Variants in DENND1A observed in about 807,000 individuals in gnomAD.
DENND1A encodes DENN domain-containing protein 1A.
DENND1A carries 51 observed loss-of-function variants against 113.7 expected under a neutral mutation model. That is an observed-to-expected ratio of 0.45 (90% CI 0.36 to 0.57). DENND1A has a LOEUF of 0.57. Ranked by LOEUF, DENND1A falls within the 20% of genes least tolerant of loss-of-function variation. The pLI is 0.00. For missense variants in DENND1A, 1,258 were observed against 1,395.9 expected (o/e 0.90, Z 1.57); for synonymous variants, 565 against 570.8 (o/e 0.99, Z 0.14).
chr9:123,399,788 A>G (rs909712378), intron 21 of DENND1A, among the ~76,000 whole-genome samples: 2 of 152,238 alleles, frequency 1.3e-5, no homozygotes, highest in Non-Finnish European at 2.9e-5. Flanking sequence ...GCCCCGTTCC[A>G]AGGACAGCAT....
At chr9:123,480,577 T>C (rs2050253565) in intron 13 of DENND1A, among the ~76,000 whole-genome samples, 1 of 152,220 alleles carries the variant, frequency 6.6e-6, no homozygotes, top group Non-Finnish European at 1.5e-5. Flanking sequence ...TCAGGTGCCA[T>C]AGTTCCAGGA....
intron 1 of DENND1A, among the ~76,000 whole-genome samples, chr9:123,898,245 CTT>C (rs1588138582): frequency 1.3e-5 from 2 of 152,114 alleles, no homozygotes; most frequent in East Asian, 1.9e-4. Context: ...CTTTAATACT[CTT>C]TTCAAATCTT....
chr9:123,538,740 ATGTGTGTGAGTGTGTG>A lies in DENND1A; in HGVS notation c.993+18814_993+18829del, dbSNP rs1158837723. Among the ~76,000 whole-genome samples the A allele has an allele frequency of 8.4e-5, 10 of 119,716 alleles. No homozygotes were observed. In the East Asian group the frequency reaches 2.2e-3, roughly 26 times the overall value. The allele number at this position is 119,716 out of a possible 152,430, so 78.5% of individuals were successfully genotyped here. A position where few individuals can be genotyped will look rare whatever the true frequency, so the allele number is the denominator to read the frequency against. On this transcript the variant is annotated intron_variant, in intron 13 of 23. Transcript: ENST00000394215. ...ATATGTTGAAATCCACCAGGCAATT[ATGTGTGTGAGTGTGTG>A]TGTGTGTGTGTGTGTGTGTGTGTGT... is the stretch of plus-strand genomic sequence containing the variant.
At chr9:123,408,236 T>C (rs186445080) in intron 20 of DENND1A, among the ~76,000 whole-genome samples, 1 of 152,292 alleles carries the variant, frequency 6.6e-6, no homozygotes, top group East Asian at 1.9e-4. Flanking sequence ...TTCGAGGCCC[T>C]TGTGGGTTCC....
chr9:123,548,153 A>G (rs772219944), intron 13 of DENND1A, among the ~76,000 whole-genome samples: 36 of 152,144 alleles, frequency 2.4e-4, no homozygotes, highest in South Asian at 1.9e-3. Context: ...AGAGCCACAG[A>G]GCTATAGTGA....
chr9:123,641,677 T>A (rs190740200), intron 9 of DENND1A, among the ~76,000 whole-genome samples: 1 of 152,152 alleles, frequency 6.6e-6, no homozygotes, highest in Non-Finnish European at 1.5e-5. Context: ...ACTTGATCAG[T>A]CTCTATTATG....
At chr9:123,715,770 T>C (rs1336056565) in intron 5 of DENND1A, among the ~76,000 whole-genome samples, 1 of 152,096 alleles carries the variant, frequency 6.6e-6, no homozygotes, top group Admixed American at 6.6e-5. Flanking sequence ...ACTGCAGCCT[T>C]GACTCCAGTG....
At chr9:123,855,512 G>A (rs1182172359) in intron 2 of DENND1A, among the ~76,000 whole-genome samples, 3 of 152,176 alleles carry the variant, frequency 2.0e-5, no homozygotes, top group Non-Finnish European at 4.4e-5. Context: ...AAGTGGCTCA[G>A]CTAGTGCAGA....
At chr9:123,568,502 T>C (rs893137402) in intron 12 of DENND1A, among the ~76,000 whole-genome samples, 9 of 152,240 alleles carry the variant, frequency 5.9e-5, no homozygotes, top group African/African-American at 1.9e-4. Context: ...AAAAGAATCA[T>C]GGGTTCACAA....
chr9:123,716,033 CTG>C (rs2141032684), intron 5 of DENND1A, among the ~76,000 whole-genome samples: 1 of 152,292 alleles, frequency 6.6e-6, no homozygotes, highest in East Asian at 1.9e-4. Flanking sequence ...TTGTGCTGCT[CTG>C]GAGCACTCCA....
At chr9:123,486,689 A>G (rs768349673) in intron 13 of DENND1A, among the ~76,000 whole-genome samples, 3 of 152,172 alleles carry the variant, frequency 2.0e-5, no homozygotes, top group Non-Finnish European at 2.9e-5. Context: ...GTGCTGGTGC[A>G]AGCACCTTGG....
chr9:123,466,618 C>A (rs1336544098), intron 13 of DENND1A, among the ~76,000 whole-genome samples: 1 of 152,184 alleles, frequency 6.6e-6, no homozygotes, highest in Non-Finnish European at 1.5e-5. Context: ...TTGCTATCTG[C>A]ACATTCTCTA....
intron 2 of DENND1A, among the ~76,000 whole-genome samples, chr9:123,793,989 G>A (rs1187751995): frequency 6.6e-6 from 1 of 152,176 alleles, no homozygotes; most frequent in Non-Finnish European, 1.5e-5. Flanking sequence ...CAACTACTGG[G>A]AAGGAATCAA....
At chr9:123,605,529 C>T (rs776472932) in intron 11 of DENND1A, among the ~76,000 whole-genome samples, 1 of 152,164 alleles carries the variant, frequency 6.6e-6, no homozygotes, top group East Asian at 1.9e-4. Context: ...AGGTCTATGC[C>T]AATACCCTTG....
intron 1 of DENND1A, among the ~76,000 whole-genome samples, chr9:123,884,817 A>T (rs1848781863): frequency 6.6e-6 from 1 of 152,302 alleles, no homozygotes; most frequent in Non-Finnish European, 1.5e-5. Flanking sequence ...CAGCAGAATC[A>T]GCATGGAACT....
At chr9:123,629,756 C>A (rs1478195019) in intron 10 of DENND1A, among the ~76,000 whole-genome samples, 4 of 152,310 alleles carry the variant, frequency 2.6e-5, no homozygotes, top group African/African-American at 9.6e-5. Flanking sequence ...TGCTCCCAAA[C>A]CACAGTGAGC....
At chr9:123,711,291 CT>C (rs2066569772) in intron 5 of DENND1A, among the ~76,000 whole-genome samples, 2 of 150,978 alleles carry the variant, frequency 1.3e-5, no homozygotes, top group Non-Finnish European at 2.9e-5. Context: ...ATGGTGAAAC[CT>C]TGTTTGTACT....
intron 5 of DENND1A, among the ~76,000 whole-genome samples, chr9:123,712,645 C>T (rs942853246): frequency 1.3e-5 from 2 of 152,278 alleles, no homozygotes; most frequent in African/African-American, 4.8e-5. Context: ...AAATCTGTAG[C>T]CACTGGTTCC....
intron 13 of DENND1A, among the ~76,000 whole-genome samples, chr9:123,500,078 T>C (rs1028082278): frequency 6.6e-6 from 1 of 152,212 alleles, no homozygotes; most frequent in African/African-American, 2.4e-5. Flanking sequence ...CCTTAATACC[T>C]AGGTGATGAA....
Sources: gnomAD v4.1 joint callset for allele counts (sites outside exome capture counted in the v4.1 genomes callset) on GRCh38, gnomAD v4.1.1 for gene constraint, MANE v1.5 for transcripts, NCBI Gene and HGNC (gene_info 2026-07-23, HGNC 2026-07-21) for gene names.